Variants in PSMF1 observed in about 807,000 individuals in gnomAD.
PSMF1 encodes proteasome inhibitor PI31 subunit.
A neutral mutation model predicts 29.3 loss-of-function variants in PSMF1; 30 were observed. The observed-to-expected ratio is 1.02, with a 90% confidence interval of 0.77 to 1.39. PSMF1 has a LOEUF of 1.39. PSMF1 is among the 40% of genes most tolerant of loss of function. PSMF1 has a pLI of 0.00. For missense variants in PSMF1, 344 were observed against 357.5 expected (o/e 0.96, Z 0.31); for synonymous variants, 134 against 139.7 (o/e 0.96, Z 0.29).
At chr20:1,153,643 T>C (rs554348738) in intron 4 of PSMF1, among the ~76,000 whole-genome samples, 1 of 152,320 alleles carries the variant, frequency 6.6e-6, no homozygotes, top group South Asian at 2.1e-4. Flanking sequence ...GGGATCGAAT[T>C]CCATCTACCA....
chr20:1,124,164 T>C (rs2086124718), intron 1 of PSMF1, among the ~76,000 whole-genome samples: 1 of 152,206 alleles, frequency 6.6e-6, no homozygotes, highest in Non-Finnish European at 1.5e-5. Context: ...TTATGAACAG[T>C]GTCAAAGGCA....
rs191588250 is a variant in PSMF1, at chr20:1,161,558, A to T, written c.552-1572A>T. On this transcript the variant is annotated intron_variant, in intron 4 of 6. Transcript: ENST00000335877. ...TGCCAGCACAAGGAAGATCAAGATCATCGTGCTCCCAGAGCGCAAGTACTC... is the reference window on the plus strand; with the variant it reads ...TGCCAGCACAAGGAAGATCAAGATCTTCGTGCTCCCAGAGCGCAAGTACTC... 5 of 608,346 alleles carry T rather than the reference A, an allele frequency of 8.2e-6. No homozygotes were observed. In the African/African-American group the frequency reaches 9.3e-5, roughly 11 times the overall value. 37.7% of individuals were successfully genotyped at this position (608,346 alleles called of 1,614,324 possible). A position where few individuals can be genotyped will look rare whatever the true frequency, so the allele number is the denominator to read the frequency against.
At chr20:1,162,456 A>G (rs1014268105) in intron 4 of PSMF1, among the ~76,000 whole-genome samples, 1 of 152,174 alleles carries the variant, frequency 6.6e-6, no homozygotes, top group Non-Finnish European at 1.5e-5. Context: ...GTGTCTGTCT[A>G]TATCTATATA....
chr20:1,165,598 C>A lies in PSMF1; in HGVS notation c.*518C>A, dbSNP rs775634119. On this transcript the variant is annotated 3_prime_UTR_variant, in exon 7 of 7. Coordinates refer to ENST00000335877, the MANE Select transcript of PSMF1 (RefSeq NM_006814.5). Reference sequence around the variant, plus strand: ...AGGGCCCATTCTTGCTTCTCAGGCACCTTCCGTTTATTAATTGCCATTGCT... The same window carrying A: ...AGGGCCCATTCTTGCTTCTCAGGCAACTTCCGTTTATTAATTGCCATTGCT... 36 of 994,784 alleles carry A rather than the reference C, an allele frequency of 3.6e-5. No individual in the cohort carries two copies. The highest frequency in any genetic ancestry group is 4.3e-5 in the Non-Finnish European group (36 of 835,410). 61.6% of individuals were successfully genotyped at this position (994,784 alleles called of 1,614,324 possible). A position where few individuals can be genotyped will look rare whatever the true frequency, so the allele number is the denominator to read the frequency against.
intron 4 of PSMF1, among the ~76,000 whole-genome samples, chr20:1,146,599 A>T (rs1025546447): frequency 6.6e-5 from 10 of 152,076 alleles, no homozygotes; most frequent in African/African-American, 2.4e-4. Context: ...CCTCCTCCAT[A>T]TCGCTCTGAA....
At chr20:1,113,717 G>T (rs1229536245), upstream of PSMF1, among the ~76,000 whole-genome samples, 2 of 151,852 alleles carry the variant, frequency 1.3e-5, no homozygotes, top group Non-Finnish European at 2.9e-5. Context: ...TTTTGAGACG[G>T]CGTCTCGCTC....
upstream of PSMF1, among the ~76,000 whole-genome samples, chr20:1,117,289 A>AT (rs2086020310): frequency 6.6e-6 from 1 of 151,368 alleles, no homozygotes; most frequent in Admixed American, 6.6e-5. Context: ...TTACTTTTCC[A>AT]TTGAGTGTGA....
Position 1,165,836 on chromosome 20 carries a change from A to G in PSMF1, c.*756A>G, listed in dbSNP as rs1176886678. The G allele has an allele frequency of 1.8e-6, 2 of 1,091,272 alleles. No homozygotes were observed. Among genetic ancestry groups the G allele is most frequent in the African/African-American group, 1.6e-5 (1 of 62,030 alleles). 67.6% of individuals were successfully genotyped at this position (1,091,272 alleles called of 1,614,324 possible). A position where few individuals can be genotyped will look rare whatever the true frequency, so the allele number is the denominator to read the frequency against. ...GCAGCAGTAGTCAAAAAGCCAAGGA[A>G]AAAACAGAGCAGACCTGAAGGCTAA... On this transcript the variant is annotated 3_prime_UTR_variant, in exon 7 of 7. Coordinates refer to ENST00000335877, the MANE Select transcript of PSMF1 (RefSeq NM_006814.5).
rs2086688911 is a variant in PSMF1, at chr20:1,163,264, T to C, written c.605+81T>C. 3 of 1,498,012 alleles carry C rather than the reference T, an allele frequency of 2.0e-6. No individual in the cohort carries two copies. The highest frequency in any genetic ancestry group is 2.8e-6 in the Non-Finnish European group (3 of 1,084,392). 92.8% of individuals were successfully genotyped at this position (1,498,012 alleles called of 1,614,324 possible). A position where few individuals can be genotyped will look rare whatever the true frequency, so the allele number is the denominator to read the frequency against. ...CCCAGCTCATCTTCTAATTTTAGAG[T>C]TTTCGGTCAGTCTCTTCCTTTGGGG... On this transcript the variant is annotated intron_variant, in intron 5 of 6. Coordinates refer to ENST00000335877, the MANE Select transcript of PSMF1 (RefSeq NM_006814.5). This position sits in a 1 kb window ranked among gnomAD's most constrained non-coding sequence, Gnocchi z 6.1.
rs2086754486 is a variant in PSMF1 at position 1,168,218 on chromosome 20, G to A, written c.*3138G>A. ...AGCAGTTGATTTGACTTTTGGGGAT[G>A]GTTCTAGGCTGGATGTGATACAGGG... On this transcript the variant is annotated 3_prime_UTR_variant, in exon 7 of 7. Coordinates refer to ENST00000335877, the MANE Select transcript of PSMF1 (RefSeq NM_006814.5). 1 of 152,226 alleles carries A rather than the reference G, an allele frequency of 6.6e-6. No homozygotes were observed. Among genetic ancestry groups the A allele is most frequent in the South Asian group, 2.1e-4 (1 of 4,832 alleles). 9.4% of individuals were successfully genotyped at this position (152,226 alleles called of 1,614,324 possible).
At chr20:1,124,592 T>G (rs1486772669) in intron 1 of PSMF1, among the ~76,000 whole-genome samples, 3 of 152,210 alleles carry the variant, frequency 2.0e-5, no homozygotes, top group Admixed American at 2.0e-4. Flanking sequence ...AGAATGTTCA[T>G]AGCAGCATTG....
intron 3 of PSMF1, among the ~76,000 whole-genome samples, chr20:1,129,036 T>A (rs1817733321): frequency 2.0e-5 from 3 of 151,810 alleles, no homozygotes; most frequent in South Asian, 4.2e-4. Flanking sequence ...CCACCACGCC[T>A]GGCAATTTTT....
At chr20:1,126,048 C>T (rs1286212608) in intron 2 of PSMF1, 3 of 443,112 alleles carry the variant, frequency 6.8e-6, no homozygotes, top group East Asian at 7.0e-5. Flanking sequence ...CCATCTGCCA[C>T]TCACACAGCC....
Position 1,138,343 on chromosome 20 carries a change from G to C in PSMF1, c.551+3037G>C, listed in dbSNP as rs76804097. Among the ~76,000 whole-genome samples the C allele has an allele frequency of 4.8e-3, 730 of 152,156 alleles. 8 individuals carry two copies. The highest frequency in any genetic ancestry group is 0.017 in the African/African-American group (689 of 41,510). On this transcript the variant is annotated intron_variant, in intron 4 of 6. Transcript: ENST00000335877. ...TGATTTAACATCTGAAAATAAATCA[G>C]TGTTAAGATACCATATCAATAGAAC...
At chr20:1,135,092 G>A (rs768014479) in intron 3 of PSMF1, 29 bp from the exon 4 acceptor site, 22 of 1,612,930 alleles carry the variant, frequency 1.4e-5, no homozygotes, top group Middle Eastern at 1.6e-4. Flanking sequence ...CCAACTGCAA[G>A]CAGTTGACTC....
Position 1,154,711 on chromosome 20 carries a change from C to A in PSMF1, c.552-8419C>A, listed in dbSNP as rs183419920. On this transcript the variant is annotated intron_variant, in intron 4 of 6. Coordinates refer to ENST00000335877, the MANE Select transcript of PSMF1 (RefSeq NM_006814.5). ...ATGAGAACCTGCATTTTAGCAGGAT[C>A]CCCCACTGACTCATGTGCACCTGAC... is the stretch of plus-strand genomic sequence containing the variant. Among the ~76,000 whole-genome samples the A allele has an allele frequency of 1.6e-4, 24 of 152,340 alleles. No individual in the cohort carries two copies. In the East Asian group the frequency reaches 4.0e-3, roughly 26 times the overall value.
chr20:1,122,464 T>G (rs2086101801), intron 1 of PSMF1, among the ~76,000 whole-genome samples: 2 of 151,040 alleles, frequency 1.3e-5, no homozygotes, highest in Admixed American at 1.3e-4. Flanking sequence ...GCCTGGCTAA[T>G]TTTTTTTGTA....
chr20:1,126,704 G>A (rs2086161098), intron 2 of PSMF1, among the ~76,000 whole-genome samples: 2 of 152,022 alleles, frequency 1.3e-5, no homozygotes, highest in African/African-American at 4.8e-5. Flanking sequence ...GTGAAACCCT[G>A]TCTCTACTAA....
rs932797279 is a variant in PSMF1, at chr20:1,164,257, G to T, written c.606-61G>T. The T allele has an allele frequency of 6.0e-6, 9 of 1,507,168 alleles. No individual in the cohort carries two copies. Among genetic ancestry groups the T allele is most frequent in the Non-Finnish European group, 8.3e-6 (9 of 1,083,886 alleles). The allele number at this position is 1,507,168 out of a possible 1,614,324, so 93.4% of individuals were successfully genotyped here. Reference sequence around the variant, plus strand: ...TTCTTGGTGCATTGTAACCTCCCTCGCCTTTTCTCCAAGGGCAGTCCTTGC... The same window carrying T: ...TTCTTGGTGCATTGTAACCTCCCTCTCCTTTTCTCCAAGGGCAGTCCTTGC... On this transcript the variant is annotated intron_variant, in intron 5 of 6. Coordinates refer to ENST00000335877, the MANE Select transcript of PSMF1 (RefSeq NM_006814.5). The surrounding 1 kb of genome is among the most constrained non-coding windows in gnomAD (Gnocchi z 4.1).
Sources: allele counts gnomAD v4.1 joint callset (sites outside exome capture counted in the v4.1 genomes callset), GRCh38; gene constraint gnomAD v4.1.1; non-coding constraint Gnocchi (gnomAD v3.1); transcripts MANE v1.5; gene names NCBI Gene and HGNC (gene_info 2026-07-23, HGNC 2026-07-21).